RABGAP1L: variants seen among roughly 807,000 people sequenced by gnomAD.
The protein encoded by RABGAP1L is rab GTPase-activating protein 1-like.
RABGAP1L carries 63 observed loss-of-function variants against 137.7 expected under a neutral mutation model. The observed-to-expected ratio is 0.46, with a 90% confidence interval of 0.37 to 0.56. The LOEUF (loss-of-function observed/expected upper bound fraction) is 0.56, where lower values mean the gene tolerates loss of function less well. Among genes scored for constraint, RABGAP1L ranks in the 20% least tolerant of loss-of-function variants. RABGAP1L has a pLI of 0.00. For missense variants in RABGAP1L, 1,095 were observed against 1,244.0 expected (o/e 0.88, Z 1.80); for synonymous variants, 431 against 433.7 (o/e 0.99, Z 0.08).
chr1:174,337,367 C>T (rs867846740), intron 11 of RABGAP1L, among the ~76,000 whole-genome samples: 35 of 152,142 alleles, frequency 2.3e-4, no homozygotes, highest in African/African-American at 7.7e-4. Context: ...AACATTTTGA[C>T]ATTTGTGAAA....
intron 12 of RABGAP1L, among the ~76,000 whole-genome samples, chr1:174,375,877 C>A (rs1355385480): frequency 6.6e-6 from 1 of 151,976 alleles, no homozygotes; most frequent in African/African-American, 2.4e-5. Context: ...CCAGCCTAGC[C>A]AACATAATGA....
At chr1:174,661,305 G>A (rs1676352667) in intron 14 of RABGAP1L, among the ~76,000 whole-genome samples, 1 of 152,078 alleles carries the variant, frequency 6.6e-6, no homozygotes, top group Non-Finnish European at 1.5e-5. Context: ...AGAAAAACTA[G>A]TAAAGAACTT....
At chr1:174,835,267 GT>G in intron 19 of RABGAP1L, among the ~76,000 whole-genome samples, 1 of 152,236 alleles carries the variant, frequency 6.6e-6, no homozygotes, top group African/African-American at 2.4e-5. Context: ...GAAATATTAA[GT>G]TTGATAAATA....
intron 1 of RABGAP1L, among the ~76,000 whole-genome samples, chr1:174,216,479 T>A (rs555532293): frequency 2.6e-4 from 40 of 151,934 alleles, no homozygotes; most frequent in African/African-American, 9.4e-4. Context: ...TTAAATAATT[T>A]TATACTGCAT....
chr1:174,915,698 G>A (rs942508410), intron 19 of RABGAP1L, among the ~76,000 whole-genome samples: 5 of 152,094 alleles, frequency 3.3e-5, no homozygotes, highest in Admixed American at 2.0e-4. Flanking sequence ...CTCATGATCC[G>A]CCCACCTCGG....
At chr1:174,643,864 A>T (rs1484757241) in intron 14 of RABGAP1L, among the ~76,000 whole-genome samples, 1 of 152,060 alleles carries the variant, frequency 6.6e-6, no homozygotes, top group Non-Finnish European at 1.5e-5. Context: ...ATATGCACAC[A>T]CATATAAATA....
chr1:174,640,981 A>G (rs933528161), intron 14 of RABGAP1L, among the ~76,000 whole-genome samples: 3 of 89,134 alleles, frequency 3.4e-5, no homozygotes, highest in Admixed American at 3.0e-4. Flanking sequence ...TATTAATTAA[A>G]TATAATTTTA....
At chr1:174,297,901 G>A (rs1217709742) in intron 10 of RABGAP1L, among the ~76,000 whole-genome samples, 1 of 152,130 alleles carries the variant, frequency 6.6e-6, no homozygotes, top group East Asian at 1.9e-4. Context: ...TGGGTTTTTG[G>A]GTTCCCTTTC....
intron 13 of RABGAP1L, among the ~76,000 whole-genome samples, chr1:174,550,918 A>ACACACACATC (rs1666421966): frequency 1.2e-5 from 1 of 85,432 alleles, no homozygotes; most frequent in Admixed American, 1.1e-4. Context: ...ATACACACAC[A>ACACACACATC]CACATATATA....
intron 19 of RABGAP1L, among the ~76,000 whole-genome samples, chr1:174,935,797 C>T (rs1233421413): frequency 1.3e-5 from 2 of 151,834 alleles, no homozygotes; most frequent in African/African-American, 4.8e-5. Flanking sequence ...GCCTGGGCAA[C>T]ACAGTGAAAC....
In RABGAP1L at chr1:174,159,567, A is replaced by G. The variant is rs968788447; in HGVS notation, c.-124A>G. 6.6e-6 allele frequency: 1 copy of G among 152,170 alleles called. No homozygotes were observed. Among genetic ancestry groups the G allele is most frequent in the Non-Finnish European group, 1.5e-5 (1 of 68,126 alleles). 9.4% of individuals were successfully genotyped at this position (152,170 alleles called of 1,614,324 possible). A position where few individuals can be genotyped will look rare whatever the true frequency, so the allele number is the denominator to read the frequency against. ...CTCCAGCGGTGGCGGAGCGAACGGG[A>G]CCGGCCCGGCTTCAGAGCGCGAGGT... On this transcript the variant is annotated 5_prime_UTR_variant, in exon 1 of 26. Transcript: ENST00000681986.
At chr1:174,487,557 G>A (rs1412513688) in intron 13 of RABGAP1L, among the ~76,000 whole-genome samples, 1 of 152,012 alleles carries the variant, frequency 6.6e-6, no homozygotes, top group African/African-American at 2.4e-5. Context: ...AGATCATTGA[G>A]TCTTGTTTCT....
intron 19 of RABGAP1L, among the ~76,000 whole-genome samples, chr1:174,858,331 A>G (rs1649660415): frequency 6.6e-6 from 1 of 152,158 alleles, no homozygotes; most frequent in African/African-American, 2.4e-5. Context: ...ATTTTAATAT[A>G]CTGTATATCC....
At chr1:174,324,660 A>G (rs969792915) in intron 11 of RABGAP1L, among the ~76,000 whole-genome samples, 11 of 152,182 alleles carry the variant, frequency 7.2e-5, no homozygotes, top group African/African-American at 2.7e-4. Context: ...TTAAAAGTAG[A>G]TGTTAGGACA....
At chr1:174,538,828 A>G (rs1665108728) in intron 13 of RABGAP1L, among the ~76,000 whole-genome samples, 3 of 152,204 alleles carry the variant, frequency 2.0e-5, no homozygotes, top group Admixed American at 2.0e-4. Flanking sequence ...ATAGGTATAC[A>G]TGTTTATGTA....
chr1:174,192,598 A>G (rs1156822860), intron 1 of RABGAP1L, among the ~76,000 whole-genome samples: 1 of 152,168 alleles, frequency 6.6e-6, no homozygotes, highest in African/African-American at 2.4e-5. Flanking sequence ...CTGGGATTAC[A>G]CACGTGAGCC....
intron 1 of RABGAP1L, among the ~76,000 whole-genome samples, chr1:174,208,883 G>A (rs1422111608): frequency 1.3e-5 from 2 of 152,126 alleles, no homozygotes; most frequent in African/African-American, 4.8e-5. Context: ...CATCTTTGGT[G>A]CTTCCTTTAA....
In RABGAP1L at chr1:174,866,107, G is replaced by A. The variant is rs1038452860; in HGVS notation, c.2340+54147G>A. Among the ~76,000 whole-genome samples, 48 of 135,120 alleles carry A rather than the reference G, an allele frequency of 3.6e-4. No homozygotes were observed. The South Asian group carries it at 4.3e-3, about 12-fold the overall frequency. The allele number at this position is 135,120 out of a possible 152,430, so 88.6% of individuals were successfully genotyped here. A position where few individuals can be genotyped will look rare whatever the true frequency, so the allele number is the denominator to read the frequency against. ...AAGGAGAGGAGGGGAGAGGGAGGGA[G>A]GGGGAGAGAGAGAGAGAGAGAGAGA... On this transcript the variant is annotated intron_variant, in intron 19 of 25. Coordinates refer to ENST00000681986, the MANE Select transcript of RABGAP1L (RefSeq NM_001366446.1).
At chr1:174,499,664 G>A (rs180861412) in intron 13 of RABGAP1L, among the ~76,000 whole-genome samples, 1 of 152,246 alleles carries the variant, frequency 6.6e-6, no homozygotes, top group Admixed American at 6.5e-5. Context: ...TTATCTCAAC[G>A]AATTATTGTG....
Sources: gnomAD v4.1 joint callset for allele counts (sites outside exome capture counted in the v4.1 genomes callset) on GRCh38, gnomAD v4.1.1 for gene constraint, MANE v1.5 for transcripts, NCBI Gene and HGNC (gene_info 2026-07-23, HGNC 2026-07-21) for gene names.